The following DSCAM variants were observed in gnomAD, a reference collection of about 807,000 sequenced individuals.
The protein encoded by DSCAM is DS cell adhesion molecule, also known as cell adhesion molecule DSCAM.
A neutral mutation model predicts 217.7 loss-of-function variants in DSCAM; 47 were observed. The observed-to-expected ratio is 0.22, with a 90% CI of 0.17 to 0.28. The LOEUF (loss-of-function observed/expected upper bound fraction) is 0.28, where lower values mean the gene tolerates loss of function less well. Ranked by LOEUF, DSCAM falls within the 10% of genes least tolerant of loss-of-function variation. The pLI, the probability that DSCAM is intolerant of heterozygous loss-of-function variation, is 1.00. For synonymous variants in DSCAM, 1,056 were observed against 1,015.3 expected (o/e 1.04, Z -0.76); for missense variants, 2,080 against 2,618.3 (o/e 0.79, Z 4.49).
intron 11 of DSCAM, among the ~76,000 whole-genome samples, chr21:40,242,165 T>TAAA (rs574680228): frequency 6.0e-5 from 9 of 151,156 alleles, no homozygotes; most frequent in Admixed American, 5.3e-4. Context: ...TTTTTTTTTT[T>TAAA]AAAAGAAAGA....
chr21:40,647,462 A>C (rs989839335), intron 3 of DSCAM, among the ~76,000 whole-genome samples: 1 of 152,200 alleles, frequency 6.6e-6, no homozygotes, highest in Non-Finnish European at 1.5e-5. Flanking sequence ...TTGATGAATT[A>C]TGGCTAATTT....
At chr21:40,103,500 A>T (rs1368718124) in intron 20 of DSCAM, among the ~76,000 whole-genome samples, 1 of 152,142 alleles carries the variant, frequency 6.6e-6, no homozygotes, top group Non-Finnish European at 1.5e-5. Context: ...ATTCTTATGT[A>T]TAATATATTT....
intron 4 of DSCAM, among the ~76,000 whole-genome samples, chr21:40,354,616 A>G (rs935750620): frequency 1.3e-5 from 2 of 152,022 alleles, no homozygotes; most frequent in Non-Finnish European, 2.9e-5. Context: ...TTGGGAGGCC[A>G]AGGCAGGCAG....
chr21:40,460,222 G>A (rs1393474092), intron 3 of DSCAM, among the ~76,000 whole-genome samples: 2 of 151,980 alleles, frequency 1.3e-5, no homozygotes, highest in African/African-American at 4.8e-5. Flanking sequence ...AAACCACCAT[G>A]GCACATATTT....
intron 3 of DSCAM, among the ~76,000 whole-genome samples, chr21:40,538,720 T>A (rs11908987): frequency 2.0e-5 from 3 of 151,918 alleles, no homozygotes; most frequent in Admixed American, 2.0e-4. Flanking sequence ...ATCAAGGCCG[T>A]GGTGTTCAAA....
chr21:40,623,457 A>G (rs1037379902), intron 3 of DSCAM, among the ~76,000 whole-genome samples: 5 of 152,240 alleles, frequency 3.3e-5, no homozygotes, highest in Non-Finnish European at 7.3e-5. Context: ...TAACAAATGC[A>G]TTCCAAACTG....
chr21:40,583,555 G>T (rs2076921166), intron 3 of DSCAM, among the ~76,000 whole-genome samples: 2 of 152,084 alleles, frequency 1.3e-5, no homozygotes, highest in Non-Finnish European at 1.5e-5. Flanking sequence ...CCTACCAGGG[G>T]AGTGGGAAGG....
chr21:40,419,261 G>T (rs13046093), intron 3 of DSCAM, among the ~76,000 whole-genome samples: 13,665 of 151,816 alleles, frequency 0.09, 706 homozygotes, highest in Non-Finnish European at 0.13. Flanking sequence ...GATTACAGGC[G>T]TGAGCCACCA....
intron 3 of DSCAM, among the ~76,000 whole-genome samples, chr21:40,512,010 A>AAAAAAAAAAACAAAAAT (rs61560593): frequency 9.4e-6 from 1 of 106,368 alleles, no homozygotes; most frequent in Non-Finnish European, 1.8e-5. Flanking sequence ...AAAAAAAAAA[A>AAAAAAAAAAACAAAAAT]GTATTCTATT....
chr21:40,378,866 T>C (rs1475856087), intron 3 of DSCAM, among the ~76,000 whole-genome samples: 2 of 152,134 alleles, frequency 1.3e-5, no homozygotes, highest in Non-Finnish European at 2.9e-5. Flanking sequence ...GTGCTGGGAT[T>C]ACAGGCGTGA....
chr21:40,160,128 CT>C (rs2090524853), intron 16 of DSCAM, among the ~76,000 whole-genome samples: 1 of 152,082 alleles, frequency 6.6e-6, no homozygotes, highest in Non-Finnish European at 1.5e-5. Flanking sequence ...CAAGTCAGCA[CT>C]GGGAGGTGAG....
chr21:40,139,875 G>A (rs2090267769), intron 18 of DSCAM, among the ~76,000 whole-genome samples: 3 of 150,722 alleles, frequency 2.0e-5, no homozygotes, highest in South Asian at 4.2e-4. Context: ...TATGTGTGTT[G>A]TGTGTGCATG....
At chr21:40,410,924 A>T (rs2075317170) in intron 3 of DSCAM, among the ~76,000 whole-genome samples, 1 of 152,236 alleles carries the variant, frequency 6.6e-6, no homozygotes, top group Admixed American at 6.5e-5. Flanking sequence ...ACAAGTGAGG[A>T]GCATGAGAGT....
intron 32 of DSCAM, among the ~76,000 whole-genome samples, chr21:40,014,616 C>G (rs2088124217): frequency 6.6e-6 from 1 of 152,170 alleles, no homozygotes; most frequent in Non-Finnish European, 1.5e-5. Context: ...CTCAGAAGTG[C>G]ACCGCAGCCT....
chr21:40,087,325 C>T, intron 21 of DSCAM, 38 bp from the exon 22 acceptor site: 1 of 1,522,656 alleles, frequency 6.6e-7, no homozygotes, highest in Non-Finnish European at 9.1e-7. Flanking sequence ...GATTACTCCA[C>T]AGACGTGTCT....
At position 40,510,538 on chromosome 21, in the gene DSCAM, T is replaced by C. The variant is rs117932464; in HGVS notation, c.509-141293A>G. On this transcript the variant is annotated intron_variant, in intron 3 of 32. Coordinates refer to ENST00000400454, the MANE Select transcript of DSCAM (RefSeq NM_001389.5). ...GTTTATTGAAAACTAAATGTGAAGA[T>C]TGACTCAGGAAGTCAACAGAAGTTG... 5.1e-4 allele frequency among the ~76,000 whole-genome samples: 78 copies of C among 152,346 alleles called. No individual in the cohort carries two copies. The East Asian group carries it at 0.014, about 27-fold the overall frequency.
intron 1 of DSCAM, among the ~76,000 whole-genome samples, chr21:40,765,602 A>T (rs1219474657): frequency 6.6e-6 from 1 of 152,198 alleles, no homozygotes; most frequent in East Asian, 1.9e-4. Context: ...GGGGACACAG[A>T]GAGTCATTGC....
chr21:40,737,703 T>C lies in DSCAM; in HGVS notation c.44-28932A>G, dbSNP rs60556730. 6.2e-3 allele frequency among the ~76,000 whole-genome samples: 947 copies of C among 152,254 alleles called. 9 individuals are homozygous for C. The highest frequency in any genetic ancestry group is 0.039 in the East Asian group (203 of 5,170). Reference sequence around the variant, plus strand: ...GACTATCAGGTGATTATAGGGCTGATGACACTAAGCCACAGGGAGAGGAAC... The same window carrying C: ...GACTATCAGGTGATTATAGGGCTGACGACACTAAGCCACAGGGAGAGGAAC... On this transcript the variant is annotated intron_variant, in intron 1 of 32. Coordinates refer to ENST00000400454, the MANE Select transcript of DSCAM (RefSeq NM_001389.5).
At chr21:40,794,836 C>G (rs1291353349) in intron 1 of DSCAM, among the ~76,000 whole-genome samples, 1 of 150,184 alleles carries the variant, frequency 6.7e-6, no homozygotes, top group African/African-American at 2.5e-5. Flanking sequence ...AACTTATTGC[C>G]TGTCCAAAAT....
Sources: allele counts gnomAD v4.1 joint callset (sites outside exome capture counted in the v4.1 genomes callset), GRCh38; gene constraint gnomAD v4.1.1; transcripts MANE v1.5; gene names NCBI Gene and HGNC (gene_info 2026-07-23, HGNC 2026-07-21).